DNAJC9: variants seen among roughly 807,000 people sequenced by gnomAD.
The protein encoded by DNAJC9 is DnaJ heat shock protein family (Hsp40) member C9.
DNAJC9 carries 18 observed loss-of-function variants against 32.4 expected under a neutral mutation model. The ratio of observed to expected loss-of-function variants is 0.56; its 90% CI spans 0.38 to 0.82. The LOEUF (loss-of-function observed/expected upper bound fraction) is 0.82. DNAJC9 is among the 40% of genes least tolerant of loss of function. The probability of loss-of-function intolerance (pLI) is 0.00; values close to 1 mark genes in which losing one functional copy is unlikely to be tolerated. For missense variants in DNAJC9, 310 were observed against 321.8 expected, an observed-to-expected ratio of 0.96 and a Z score of 0.28; for synonymous variants, 113 against 122.1, an observed-to-expected ratio of 0.93 and a Z score of 0.49.
intron 2 of DNAJC9, among the ~76,000 whole-genome samples, chr10:73,246,420 A>T (rs1482662307): frequency 6.6e-6 from 1 of 152,178 alleles, no homozygotes; most frequent in Admixed American, 6.5e-5. Context: ...GTGAGAGGTG[A>T]TCCGGAATCA....
At chr10:73,241,006 G>C, downstream of DNAJC9, 3 of 1,540,220 alleles carry the variant, frequency 1.9e-6, no homozygotes, top group Non-Finnish European at 2.6e-6. Context: ...TCTCGAACCA[G>C]GCAGGGACCA....
downstream of DNAJC9, chr10:73,240,825 C>T (rs2043932984): frequency 1.6e-6 from 1 of 621,816 alleles, no homozygotes; most frequent in Non-Finnish European, 2.9e-6. Flanking sequence ...AACTAGTTTA[C>T]TGCTTTCATA....
chr10:73,234,077 T>C (rs1259677313), downstream of DNAJC9: 1 of 152,216 alleles, frequency 6.6e-6, no homozygotes, highest in Non-Finnish European at 1.5e-5. Context: ...TAGCTGTTGA[T>C]TCACAAAATG....
chr10:73,235,953 C>T (rs7912383), downstream of DNAJC9, among the ~76,000 whole-genome samples: 15,940 of 152,138 alleles, frequency 0.1, 1,199 homozygotes, highest in East Asian at 0.31. Context: ...TGCACTGACC[C>T]TCCCCATTTG....
intron 4 of DNAJC9, 39 bp from the exon 5 acceptor site, chr10:73,243,558 T>C (rs1343130518): frequency 2.5e-6 from 4 of 1,612,286 alleles, no homozygotes; most frequent in Non-Finnish European, 3.4e-6. Context: ...CACAACATTA[T>C]CCATAGACAG....
rs567292300 is a variant in DNAJC9 at position 73,233,094 on chromosome 10, C to T, written n.147+10749G>A. 24 of 1,551,658 alleles carry T rather than the reference C, an allele frequency of 1.5e-5. No individual in the cohort carries two copies. In the Admixed American group the frequency reaches 2.7e-4, roughly 18 times the overall value. On this transcript the variant is annotated intron_variant and non_coding_transcript_variant, in intron 2 of 2. Transcript: ENST00000469143. Reference sequence around the variant, plus strand: ...AATCCACCACCACGAACTCTTCATCCGATCAGCACGAGCCATTCATGTGCT... The same window carrying T: ...AATCCACCACCACGAACTCTTCATCTGATCAGCACGAGCCATTCATGTGCT...
intron 2 of DNAJC9, 31 bp downstream of exon 2, chr10:73,246,655 AAC>A (rs1317144346): frequency 2.5e-6 from 4 of 1,611,522 alleles, no homozygotes; most frequent in South Asian, 2.2e-5. Context: ...GAATGATGGT[AAC>A]AGTCACAAAG....
At chr10:73,236,725 C>CTTT (rs112151486), downstream of DNAJC9, among the ~76,000 whole-genome samples, 1 of 135,802 alleles carries the variant, frequency 7.4e-6, no homozygotes, top group Non-Finnish European at 1.6e-5. Flanking sequence ...TTTTTCTTTT[C>CTTT]TTTTTTTTTT....
Position 73,243,948 on chromosome 10 carries a change from T to A in DNAJC9, c.577-19A>T, listed in dbSNP as rs200313574. 6.2e-7 allele frequency: 1 copy of A among 1,609,166 alleles called. No individual in the cohort carries two copies. On this transcript the variant is annotated intron_variant, in intron 3 of 4. Transcript: ENST00000372950. The stretch of plus-strand genomic sequence containing the variant: ...CCTGAGCCTGAAACAGGAACTCACA[T>A]GAGACTCAGGGCCACCAGGAAATGC...
chr10:73,246,256 G>A, intron 2 of DNAJC9, 80 bp from the exon 3 acceptor site: 2 of 1,464,018 alleles, frequency 1.4e-6, no homozygotes, highest in Non-Finnish European at 1.9e-6. Flanking sequence ...AGAGTTGGGT[G>A]TTGAATTGCT....
chr10:73,235,506 T>C, downstream of DNAJC9: 1 of 1,309,022 alleles, frequency 7.6e-7, no homozygotes, highest in Non-Finnish European at 1.0e-6. Flanking sequence ...GCCTATTCTT[T>C]AATGCCTTAT....
Position 73,232,929 on chromosome 10 carries a change from T to G in DNAJC9, n.147+10914A>C, listed in dbSNP as rs573667456. The G allele has an allele frequency of 6.9e-5, 102 of 1,488,360 alleles. 3 individuals are homozygous for G. In the South Asian group the frequency reaches 1.2e-3, roughly 17 times the overall value. The allele number at this position is 1,488,360 out of a possible 1,614,324, so 92.2% of individuals were successfully genotyped here. A position where few individuals can be genotyped will look rare whatever the true frequency, so the allele number is the denominator to read the frequency against. ...TTTACTTCATTGTGGGTTTCTGATT[T>G]GGCTACTAGAGATCTTGATGACAAG... On this transcript the variant is annotated intron_variant and non_coding_transcript_variant, in intron 2 of 2. Transcript: ENST00000469143.
chr10:73,245,455 A>C (rs1476805079), intron 3 of DNAJC9, among the ~76,000 whole-genome samples: 1 of 151,640 alleles, frequency 6.6e-6, no homozygotes, highest in African/African-American at 2.4e-5. Flanking sequence ...TTCTTTAAAA[A>C]AAAAAAAAAG....
At chr10:73,246,445 A>G (rs1000524175) in intron 2 of DNAJC9, among the ~76,000 whole-genome samples, 11 of 152,186 alleles carry the variant, frequency 7.2e-5, no homozygotes, top group Admixed American at 3.9e-4. Context: ...TTACATTTGG[A>G]TATGTAAAAT....
intron 3 of DNAJC9, chr10:73,244,504 G>GAAAAAAAAA (rs796100576): frequency 8.5e-4 from 59 of 69,794 alleles, no homozygotes; most frequent in Admixed American, 1.0e-3. Context: ...AGAAAAAAGA[G>GAAAAAAAAA]AAAAAAAAAA....
At position 73,243,845 on chromosome 10, in the gene DNAJC9, G is replaced by GA; in HGVS notation, c.660dup (p.Gln221SerfsTer58). On this transcript the variant is annotated frameshift_variant, in exon 4 of 5. Transcript: ENST00000372950. LOFTEE classifies it high-confidence loss of function. ...TGGCAACAAACTGCCAAGTTTACCT[G>GA]AATGGCTGCCTTCAGGCTATCCACG... The GA allele has an allele frequency of 6.2e-7, 1 of 1,612,560 alleles. No individual in the cohort carries two copies. Among genetic ancestry groups the GA allele is most frequent in the African/African-American group, 1.3e-5 (1 of 74,966 alleles).
Position 73,243,032 on chromosome 10 carries a change from G to A in DNAJC9, c.*368C>T, listed in dbSNP as rs2043971158. The A allele has an allele frequency of 5.2e-6, 1 of 192,924 alleles. No individual in the cohort carries two copies. The highest frequency in any genetic ancestry group is 1.0e-4 in the South Asian group (1 of 10,050). The allele number at this position is 192,924 out of a possible 1,614,324, so 12.0% of individuals were successfully genotyped here. A position where few individuals can be genotyped will look rare whatever the true frequency, so the allele number is the denominator to read the frequency against. On this transcript the variant is annotated 3_prime_UTR_variant, in exon 5 of 5. Coordinates refer to ENST00000372950, the MANE Select transcript of DNAJC9 (RefSeq NM_015190.5). The stretch of plus-strand genomic sequence containing the variant: ...GTCTGGAAGGTGTTCTAGCTGGGTA[G>A]AGAGCCTATTCTAACAGACACGCAC...
chr10:73,236,716 TTTTC>T (rs1472900292), downstream of DNAJC9, among the ~76,000 whole-genome samples: 13 of 147,670 alleles, frequency 8.8e-5, no homozygotes, highest in African/African-American at 3.0e-4. Flanking sequence ...CCGGCCTTTT[TTTTC>T]TTTTCTTTTT....
intron 2 of DNAJC9, among the ~76,000 whole-genome samples, 187 bp from the exon 3 acceptor site, chr10:73,246,363 T>A (rs1221851005): frequency 6.6e-6 from 1 of 152,146 alleles, no homozygotes; most frequent in African/African-American, 2.4e-5. Flanking sequence ...CTTCATTAAC[T>A]GCTAACTAGG....
Sources: allele counts gnomAD v4.1 joint callset (sites outside exome capture counted in the v4.1 genomes callset), GRCh38; gene constraint gnomAD v4.1.1; transcripts MANE v1.5; gene names NCBI Gene and HGNC (gene_info 2026-07-23, HGNC 2026-07-21).